Variants in PIEZO2 observed in about 807,000 individuals in gnomAD.
PIEZO2 encodes piezo-type mechanosensitive ion channel component 2.
PIEZO2 carries 172 observed loss-of-function variants against 337.3 expected under a neutral mutation model. The ratio of observed to expected loss-of-function variants is 0.51; its 90% CI spans 0.45 to 0.58. The LOEUF (loss-of-function observed/expected upper bound fraction) is 0.58. PIEZO2 is among the 20% of genes least tolerant of loss of function. The probability of loss-of-function intolerance (pLI) is 0.00; values close to 1 mark genes in which losing one functional copy is unlikely to be tolerated. For missense variants in PIEZO2, 3,028 were observed against 3,391.3 expected, an observed-to-expected ratio of 0.89 and a Z score of 2.66; for synonymous variants, 1,251 against 1,228.5, an observed-to-expected ratio of 1.02 and a Z score of -0.38.
chr18:11,073,962 T>A (rs529935813), intron 1 of PIEZO2, among the ~76,000 whole-genome samples: 2 of 151,500 alleles, frequency 1.3e-5, no homozygotes, highest in African/African-American at 4.8e-5. Flanking sequence ...TTCTCCTGCC[T>A]CAGCCTCCTG....
At chr18:10,684,013 CTCTCGAAATTTT>C (rs779232411) in intron 49 of PIEZO2, among the ~76,000 whole-genome samples, 33 of 152,046 alleles carry the variant, frequency 2.2e-4, no homozygotes, top group Non-Finnish European at 1.0e-4. Context: ...TTTTCCCCTC[CTCTCGAAATTTT>C]CTCCCTTCCT....
rs912027497 is a variant in PIEZO2 at position 10,855,875 on chromosome 18, G to A, written c.704-309C>T. Among the ~76,000 whole-genome samples, 3 of 152,018 alleles carry A rather than the reference G, an allele frequency of 2.0e-5. No individual in the cohort carries two copies. The highest frequency in any genetic ancestry group is 2.0e-4 in the Admixed American group (3 of 15,258). The stretch of plus-strand genomic sequence containing the variant: ...ACCAGTAGCATCTGCATATTTACTT[G>A]CCTGTTTCCATCTTTCTACTTCTCC... On this transcript the variant is annotated intron_variant, in intron 6 of 55. Transcript: ENST00000674853. This position sits in a 1 kb window ranked among gnomAD's most constrained non-coding sequence, Gnocchi z 4.9.
chr18:11,023,215 T>C (rs894504997), intron 2 of PIEZO2, among the ~76,000 whole-genome samples: 1 of 152,134 alleles, frequency 6.6e-6, no homozygotes, highest in Non-Finnish European at 1.5e-5. Flanking sequence ...AGCCTGCTTT[T>C]ATTCTCTTAT....
chr18:10,673,313 C>G lies in PIEZO2; in HGVS notation c.8162-440G>C, dbSNP rs2033859415. 6.6e-6 allele frequency among the ~76,000 whole-genome samples: 1 copy of G among 152,192 alleles called. No homozygotes were observed. The highest frequency in any genetic ancestry group is 1.5e-5 in the Non-Finnish European group (1 of 68,022). On this transcript the variant is annotated intron_variant, in intron 54 of 55. Coordinates refer to ENST00000674853, the MANE Select transcript of PIEZO2 (RefSeq NM_001378183.1). This position sits in a 1 kb window ranked among gnomAD's most constrained non-coding sequence, Gnocchi z 4.8. ...TAAAGGGTTCCAAAATTGCATATAA[C>G]ATTGTTCCTTATCTCCATGGGAAAA... is the stretch of plus-strand genomic sequence containing the variant.
At chr18:10,825,116 G>A (rs577445092) in intron 7 of PIEZO2, among the ~76,000 whole-genome samples, 16 of 151,950 alleles carry the variant, frequency 1.1e-4, no homozygotes, top group African/African-American at 3.6e-4. Context: ...CACTCGCCTC[G>A]GCCTCCCAAA....
intron 7 of PIEZO2, among the ~76,000 whole-genome samples, chr18:10,822,640 G>C (rs1419743316): frequency 6.6e-6 from 1 of 152,156 alleles, no homozygotes; most frequent in African/African-American, 2.4e-5. Flanking sequence ...TCATAGGTCG[G>C]GAAGGAGTGA....
rs1401267139 is a variant in PIEZO2 at position 11,132,068 on chromosome 18, T to G, written c.64+16457A>C. Among the ~76,000 whole-genome samples, 4 of 152,114 alleles carry G rather than the reference T, an allele frequency of 2.6e-5. No homozygotes were observed. Among genetic ancestry groups the G allele is most frequent in the African/African-American group, 9.7e-5 (4 of 41,418 alleles). On this transcript the variant is annotated intron_variant, in intron 1 of 55. Coordinates refer to ENST00000674853, the MANE Select transcript of PIEZO2 (RefSeq NM_001378183.1). This position sits in a 1 kb window ranked among gnomAD's most constrained non-coding sequence, Gnocchi z 4.7. ...CTCGATATGTCACCTTTCCTCAGGG[T>G]GATCAGCCAGCTACCTGGTGGCTGG...
chr18:10,963,706 G>T (rs2033884919), intron 3 of PIEZO2, among the ~76,000 whole-genome samples: 1 of 152,182 alleles, frequency 6.6e-6, no homozygotes, highest in African/African-American at 2.4e-5. Flanking sequence ...AAAGCTATTT[G>T]TCAGTGTTAT....
At chr18:10,871,560 T>TA in intron 4 of PIEZO2, 145 bp from the exon 5 acceptor site, 1 of 744,360 alleles carries the variant, frequency 1.3e-6, no homozygotes, top group Non-Finnish European at 2.1e-6. Flanking sequence ...GAAAGCTTTT[T>TA]ATTGACCTCA....
chr18:11,145,635 C>G (rs1364705023), intron 1 of PIEZO2, among the ~76,000 whole-genome samples: 2 of 152,180 alleles, frequency 1.3e-5, no homozygotes, highest in African/African-American at 4.8e-5. Context: ...GAATATTTGA[C>G]TTAGCAGCAC....
In PIEZO2 at chr18:11,031,345, A is replaced by G. The variant is rs945305872; in HGVS notation, c.160+34782T>C. On this transcript the variant is annotated intron_variant, in intron 2 of 55. Transcript: ENST00000674853. The surrounding 1 kb of genome is among the most constrained non-coding windows in gnomAD (Gnocchi z 4.7). ...CCATCAGGACCTTTCATAACCTTAC[A>G]GTTGTCTCCCCAGAAAACACATTTC... 1.1e-4 allele frequency among the ~76,000 whole-genome samples: 16 copies of G among 151,726 alleles called. No individual in the cohort carries two copies. The highest frequency in any genetic ancestry group is 3.9e-4 in the African/African-American group (16 of 41,374).
rs369825925 is a variant in PIEZO2 at position 10,701,835 on chromosome 18, T to TCTC, written c.6441+153_6441+154insGAG. 117,198 of 409,988 alleles carry TCTC rather than the reference T, an allele frequency of 0.29. 14,313 individuals carry two copies. The highest frequency in any genetic ancestry group is 0.32 in the South Asian group (3,770 of 11,712). 25.4% of individuals were successfully genotyped at this position (409,988 alleles called of 1,614,324 possible). A position where few individuals can be genotyped will look rare whatever the true frequency, so the allele number is the denominator to read the frequency against. On this transcript the variant is annotated intron_variant, in intron 43 of 55. Transcript: ENST00000674853. ...ACTTAACCTTTTTCTTTTCTCTCTCTTTTTTTTTTTAAAAAAAACATATGA... is the reference window on the plus strand; with the variant it reads ...ACTTAACCTTTTTCTTTTCTCTCTCTCTCTTTTTTTTTTAAAAAAAACATATGA...
At chr18:10,957,612 T>A (rs1360137494) in intron 3 of PIEZO2, among the ~76,000 whole-genome samples, 1 of 152,156 alleles carries the variant, frequency 6.6e-6, no homozygotes, top group Non-Finnish European at 1.5e-5. Context: ...TGTGTAGTGA[T>A]TTCTTGGATA....
At position 10,824,718 on chromosome 18, in the gene PIEZO2, G is replaced by A. The variant is rs189773160; in HGVS notation, c.918-17444C>T. On this transcript the variant is annotated intron_variant, in intron 7 of 55. Transcript: ENST00000674853. The surrounding 1 kb of genome is among the most constrained non-coding windows in gnomAD (Gnocchi z 4.4). The stretch of plus-strand genomic sequence containing the variant: ...ACAGACAAGTTGAAAACATACTACA[G>A]AGAATTCTCTATACCCATTTTCCTC... Among the ~76,000 whole-genome samples, 199 of 152,124 alleles carry A rather than the reference G, an allele frequency of 1.3e-3. 1 individual carries two copies. Among genetic ancestry groups the A allele is most frequent in the Non-Finnish European group, 5.7e-4 (39 of 68,024 alleles).
chr18:10,815,499 A>C lies in PIEZO2; in HGVS notation c.918-8225T>G, dbSNP rs1420480504. Among the ~76,000 whole-genome samples the C allele has an allele frequency of 6.6e-6, 1 of 152,228 alleles. No individual in the cohort carries two copies. The highest frequency in any genetic ancestry group is 2.4e-5 in the African/African-American group (1 of 41,462). ...TTTGAACTGCTTTTCATGACACTTC[A>C]ACTTAGAATTGCTGAAACGGGCCTT... On this transcript the variant is annotated intron_variant, in intron 7 of 55. Transcript: ENST00000674853. This position sits in a 1 kb window ranked among gnomAD's most constrained non-coding sequence, Gnocchi z 4.1.
intron 36 of PIEZO2, chr18:10,725,450 G>A: frequency 6.3e-7 from 1 of 1,584,494 alleles, no homozygotes; most frequent in East Asian, 2.2e-5. Context: ...GCATGCTGTG[G>A]CATGAAATAG....
Position 10,704,550 on chromosome 18 carries a change from G to A in PIEZO2, c.6102C>T (p.Arg2034=). The A allele has an allele frequency of 1.3e-6, 2 of 1,537,314 alleles. No individual in the cohort carries two copies. The highest frequency in any genetic ancestry group is 2.7e-5 in the African/African-American group (2 of 73,182). The change falls in exon 42 of 56, where the codon CGC becomes CGT. Residue 2034 remains arginine (R), a synonymous_variant. Coordinates refer to ENST00000674853, the MANE Select transcript of PIEZO2 (RefSeq NM_001378183.1). ...FYAMYNTLVA[R]SEMVCYFVII... is the part of the protein sequence containing the mutation. ...TCACGAAGTAGCACACCATCTCCGAGCGGGCCACCAGGGTATTGTACATGG... is the reference window on the plus strand; with the variant it reads ...TCACGAAGTAGCACACCATCTCCGAACGGGCCACCAGGGTATTGTACATGG...
intron 34 of PIEZO2, 115 bp downstream of exon 34, chr18:10,736,489 G>C (rs932132160): frequency 7.2e-7 from 1 of 1,383,076 alleles, no homozygotes; most frequent in East Asian, 2.5e-5. Flanking sequence ...TAAATCAGAA[G>C]CTTCGGGGAG....
intron 2 of PIEZO2, among the ~76,000 whole-genome samples, chr18:11,014,873 G>GC (rs2036052215): frequency 1.5e-5 from 2 of 130,804 alleles, no homozygotes; most frequent in Non-Finnish European, 3.2e-5. Flanking sequence ...GCGATCCAAG[G>GC]CCCCCTCATT....
Sources: allele counts gnomAD v4.1 joint callset (sites outside exome capture counted in the v4.1 genomes callset), GRCh38; gene constraint gnomAD v4.1.1; non-coding constraint Gnocchi (gnomAD v3.1); transcripts MANE v1.5; gene names NCBI Gene and HGNC (gene_info 2026-07-23, HGNC 2026-07-21).